Variants in ANKFN1 observed in about 807,000 individuals in gnomAD.
ANKFN1 encodes the protein ankyrin repeat and fibronectin type-III domain-containing protein 1.
Under a neutral mutation model 108.7 loss-of-function variants are expected in ANKFN1, and 74 were observed. The ratio of observed to expected loss-of-function variants is 0.68; its 90% confidence interval spans 0.56 to 0.83. The LOEUF (loss-of-function observed/expected upper bound fraction) is 0.83, where lower values mean the gene tolerates loss of function less well. Among genes scored for constraint, ANKFN1 ranks in the 40% least tolerant of loss-of-function variants. ANKFN1 has a pLI of 0.00. For synonymous variants in ANKFN1, 547 were observed against 516.2 expected (o/e 1.06, Z -0.81); for missense variants, 1,505 against 1,382.3 (o/e 1.09, Z -1.41).
intron 6 of ANKFN1, among the ~76,000 whole-genome samples, chr17:56,370,770 A>T (rs566183327): frequency 1.3e-5 from 2 of 152,338 alleles, no homozygotes; most frequent in Admixed American, 1.3e-4. Context: ...CAGCAAGGCT[A>T]TAATGAGACT....
chr17:56,050,933 A>C (rs1334919675), intron 4 of ANKFN1, among the ~76,000 whole-genome samples: 3 of 145,624 alleles, frequency 2.1e-5, no homozygotes, highest in African/African-American at 7.6e-5. Context: ...TCAATAGTTT[A>C]CCAACCAAAA....
intron 4 of ANKFN1, among the ~76,000 whole-genome samples, chr17:56,106,937 T>C (rs1013697065): frequency 6.6e-6 from 1 of 152,190 alleles, no homozygotes; most frequent in Non-Finnish European, 1.5e-5. Context: ...TGAGAGGTTT[T>C]TACAGTTGAA....
At chr17:56,101,070 G>A (rs765693348) in intron 4 of ANKFN1, among the ~76,000 whole-genome samples, 13 of 152,040 alleles carry the variant, frequency 8.6e-5, no homozygotes, top group South Asian at 2.1e-4. Context: ...ACTTTCTGCC[G>A]TACGTGGATA....
At chr17:56,180,345 T>C (rs1483889004) in intron 1 of ANKFN1, among the ~76,000 whole-genome samples, 1 of 152,226 alleles carries the variant, frequency 6.6e-6, no homozygotes, top group Non-Finnish European at 1.5e-5. Flanking sequence ...TGTTTATGGC[T>C]GTGTAAGGGT....
chr17:56,397,671 C>A lies in ANKFN1; in HGVS notation c.910+22957C>A, dbSNP rs117947511. 5.9e-4 allele frequency among the ~76,000 whole-genome samples: 90 copies of A among 152,308 alleles called. 4 individuals are homozygous for A. The East Asian group carries it at 0.016, about 28-fold the overall frequency. The stretch of plus-strand genomic sequence containing the variant: ...TGATATAAACTAAGCCAAAGTGATA[C>A]AATCCCCTGTGAGCCCATGACCTGG... On this transcript the variant is annotated intron_variant, in intron 8 of 20. Transcript: ENST00000682825.
chr17:56,419,837 T>G (rs1237066183), intron 8 of ANKFN1, among the ~76,000 whole-genome samples: 2 of 144,806 alleles, frequency 1.4e-5, no homozygotes, highest in African/African-American at 2.5e-5. Context: ...AAGAAAGAAA[T>G]AAGAAGAAAA....
chr17:56,157,452 T>G (rs1567809041), intron 1 of ANKFN1, among the ~76,000 whole-genome samples: 1 of 152,166 alleles, frequency 6.6e-6, no homozygotes, highest in Non-Finnish European at 1.5e-5. Context: ...ATGACCATCA[T>G]TAGCACACTG....
rs1363268957 is a variant in ANKFN1 at position 56,368,505 on chromosome 17, C to T, written c.602-4141C>T. On this transcript the variant is annotated intron_variant, in intron 6 of 20. Transcript: ENST00000682825. ...ATATTGGTCAGGCTGGTCTCAAACT[C>T]CCAACCTCAGGTGATCCACCTGCCT... 2.0e-5 allele frequency among the ~76,000 whole-genome samples: 3 copies of T among 151,610 alleles called. No individual in the cohort carries two copies. The East Asian group carries it at 5.8e-4, about 29-fold the overall frequency.
chr17:56,434,415 A>T (rs896816131), intron 8 of ANKFN1, among the ~76,000 whole-genome samples: 1 of 151,344 alleles, frequency 6.6e-6, no homozygotes, highest in Non-Finnish European at 1.5e-5. Flanking sequence ...GAAGAAGATG[A>T]TGATGAAAAA....
intron 4 of ANKFN1, among the ~76,000 whole-genome samples, chr17:56,130,701 G>C (rs533987544): frequency 5.3e-5 from 8 of 152,226 alleles, no homozygotes; most frequent in East Asian, 1.9e-4. Context: ...TGATTAGATG[G>C]GGGGAGGACA....
chr17:56,405,592 T>A (rs562163122), intron 8 of ANKFN1, among the ~76,000 whole-genome samples: 1 of 152,296 alleles, frequency 6.6e-6, no homozygotes, highest in African/African-American at 2.4e-5. Flanking sequence ...AAGAGTTGTT[T>A]GTAAGAATTT....
intron 3 of ANKFN1, among the ~76,000 whole-genome samples, chr17:56,230,181 G>T (rs1003580847): frequency 6.6e-6 from 1 of 152,140 alleles, no homozygotes; most frequent in African/African-American, 2.4e-5. Flanking sequence ...ATGGAGGACA[G>T]CTTTAGCCAA....
chr17:56,214,322 G>A (rs1005710889), intron 2 of ANKFN1, among the ~76,000 whole-genome samples: 5 of 152,176 alleles, frequency 3.3e-5, no homozygotes. Context: ...GTCTGAGATG[G>A]TGAAGCTTGA....
chr17:56,391,069 A>C (rs998144065), intron 8 of ANKFN1, among the ~76,000 whole-genome samples: 17 of 151,358 alleles, frequency 1.1e-4, no homozygotes, highest in Admixed American at 1.1e-3. Context: ...CCATCACTGC[A>C]TGTTTCATGG....
chr17:56,333,635 T>G (rs1235104828), intron 4 of ANKFN1, among the ~76,000 whole-genome samples: 2 of 151,984 alleles, frequency 1.3e-5, no homozygotes, highest in Non-Finnish European at 2.9e-5. Flanking sequence ...GGTCCATACC[T>G]TTTTTTTCAT....
chr17:56,270,806 C>A (rs2043773500), intron 3 of ANKFN1, among the ~76,000 whole-genome samples: 2 of 152,110 alleles, frequency 1.3e-5, no homozygotes, highest in Admixed American at 6.5e-5. Flanking sequence ...TTTCCTCAGC[C>A]TGTAATGTTC....
At chr17:56,335,710 T>C (rs977557881) in intron 4 of ANKFN1, among the ~76,000 whole-genome samples, 17 of 152,172 alleles carry the variant, frequency 1.1e-4, no homozygotes, top group African/African-American at 3.9e-4. Flanking sequence ...CCTTTATTTC[T>C]TTCTCTTGCC....
chr17:56,485,700 T>C (rs888059294), intron 18 of ANKFN1, among the ~76,000 whole-genome samples: 13 of 152,232 alleles, frequency 8.5e-5, no homozygotes, highest in African/African-American at 3.1e-4. Context: ...ATTTTCCAAA[T>C]TCATTTGACG....
rs1426279709 is a variant in ANKFN1, at chr17:56,513,042, A to G, written c.*1773A>G. Among the ~76,000 whole-genome samples the G allele has an allele frequency of 6.6e-6, 1 of 152,242 alleles. No individual in the cohort carries two copies. Among genetic ancestry groups the G allele is most frequent in the Non-Finnish European group, 1.5e-5 (1 of 68,046 alleles). On this transcript the variant is annotated 3_prime_UTR_variant, in exon 21 of 21. Coordinates refer to ENST00000682825, the MANE Select transcript of ANKFN1 (RefSeq NM_001370326.1). ...AGAACTAGACGGGCCCATAAAATTT[A>G]TCTAAGTCCGTGGGTTTGCAGGTAG...
Sources: allele counts gnomAD v4.1 joint callset (sites outside exome capture counted in the v4.1 genomes callset), GRCh38; gene constraint gnomAD v4.1.1; transcripts MANE v1.5; gene names NCBI Gene and HGNC (gene_info 2026-07-23, HGNC 2026-07-21).